The following ATP6V0E1 variants were observed in gnomAD, a reference collection of about 807,000 sequenced individuals.
ATP6V0E1 encodes the protein V-type proton ATPase subunit e 1.
ATP6V0E1 carries 4 observed loss-of-function variants against 11.6 expected under a neutral mutation model. The ratio of observed to expected loss-of-function variants is 0.35; its 90% CI spans 0.17 to 0.79. The LOEUF (loss-of-function observed/expected upper bound fraction) is 0.79, where lower values mean the gene tolerates loss of function less well. ATP6V0E1 is among the 30% of genes least tolerant of loss of function. The pLI, the probability that ATP6V0E1 is intolerant of heterozygous loss-of-function variation, is 0.54. For synonymous variants in ATP6V0E1, 36 were observed against 34.8 expected (o/e 1.04, Z -0.13); for missense variants, 105 against 100.0 (o/e 1.05, Z -0.21).
At chr5:173,014,556 C>A (rs1756375232) in intron 2 of ATP6V0E1, among the ~76,000 whole-genome samples, 1 of 152,162 alleles carries the variant, frequency 6.6e-6, no homozygotes, top group African/African-American at 2.4e-5. Context: ...AGAATGAAAT[C>A]ATGTCATTTG....
At chr5:173,019,832 G>A (rs1756453806) in intron 2 of ATP6V0E1, among the ~76,000 whole-genome samples, 1 of 152,150 alleles carries the variant, frequency 6.6e-6, no homozygotes, top group Non-Finnish European at 1.5e-5. Flanking sequence ...TGTAGGTTGT[G>A]GGTCTTAACA....
At chr5:173,022,824 G>A (rs957961643) in intron 3 of ATP6V0E1, among the ~76,000 whole-genome samples, 1 of 151,292 alleles carries the variant, frequency 6.6e-6, no homozygotes. Context: ...ATAGAGACAA[G>A]GTCTTACTAT....
At chr5:173,001,202 G>A (rs1316862693) in intron 2 of ATP6V0E1, among the ~76,000 whole-genome samples, 2 of 152,116 alleles carry the variant, frequency 1.3e-5, no homozygotes, top group Non-Finnish European at 2.9e-5. Context: ...TAATGGCACA[G>A]TGTAGCAGTG....
chr5:173,030,926 T>C (rs1383176606), intron 3 of ATP6V0E1, among the ~76,000 whole-genome samples: 1 of 79,448 alleles, frequency 1.3e-5, no homozygotes, highest in East Asian at 3.0e-3. Flanking sequence ...TTTTTGTATT[T>C]ATTTATTTAT....
At position 173,021,254 on chromosome 5, in the gene ATP6V0E1, A is replaced by G. The variant is rs190318006; in HGVS notation, c.*36+887A>G. ...ACTTCACTCGTTACTATGGGGAGGT[A>G]TATTAGCCCATTTTCACGCTGCTGA... On this transcript the variant is annotated intron_variant, in intron 3 of 3. Coordinates refer to ENST00000519374, the MANE Select transcript of ATP6V0E1 (RefSeq NM_003945.4). 5.0e-3 allele frequency among the ~76,000 whole-genome samples: 764 copies of G among 152,264 alleles called. 8 individuals are homozygous for G. The highest frequency in any genetic ancestry group is 0.017 in the African/African-American group (725 of 41,530).
At chr5:173,013,302 G>A (rs968460555) in intron 2 of ATP6V0E1, among the ~76,000 whole-genome samples, 6 of 152,240 alleles carry the variant, frequency 3.9e-5, no homozygotes, top group African/African-American at 9.6e-5. Context: ...TTGGCCGGGC[G>A]CGGTGGCTCA....
chr5:173,029,585 G>C (rs1756616965), intron 3 of ATP6V0E1, among the ~76,000 whole-genome samples: 1 of 151,996 alleles, frequency 6.6e-6, no homozygotes, highest in Non-Finnish European at 1.5e-5. Flanking sequence ...TATCTTCCTG[G>C]TGTAGCACTT....
At chr5:172,999,620 C>A (rs1756122610) in intron 2 of ATP6V0E1, among the ~76,000 whole-genome samples, 1 of 152,218 alleles carries the variant, frequency 6.6e-6, no homozygotes, top group Non-Finnish European at 1.5e-5. Context: ...AGCCACCACG[C>A]CCAGTCATAT....
intron 3 of ATP6V0E1, among the ~76,000 whole-genome samples, chr5:173,027,323 T>TAAA (rs747815879): frequency 4.8e-5 from 5 of 104,350 alleles, no homozygotes; most frequent in African/African-American, 1.1e-4. Context: ...CTGTCTCTAC[T>TAAA]AAAAAAAAAA....
chr5:173,000,958 C>G (rs1012326905), intron 2 of ATP6V0E1, among the ~76,000 whole-genome samples: 1 of 152,104 alleles, frequency 6.6e-6, no homozygotes, highest in East Asian at 1.9e-4. Flanking sequence ...ACCTTGGCCT[C>G]CCAAAGTGCT....
intron 3 of ATP6V0E1, among the ~76,000 whole-genome samples, chr5:173,025,686 C>A (rs1264191736): frequency 6.8e-6 from 1 of 147,846 alleles, no homozygotes; most frequent in Non-Finnish European, 1.5e-5. Context: ...GGTAGAGACT[C>A]AGGGTTTCAC....
chr5:172,999,787 A>G (rs998091512), intron 2 of ATP6V0E1, among the ~76,000 whole-genome samples: 2 of 152,222 alleles, frequency 1.3e-5, no homozygotes, highest in African/African-American at 4.8e-5. Context: ...GGTGGTACAC[A>G]GTGTTCCAAC....
chr5:172,987,249 T>C (rs1178766066), intron 1 of ATP6V0E1: 9 of 160,394 alleles, frequency 5.6e-5, no homozygotes, highest in Non-Finnish European at 1.1e-4. Flanking sequence ...CTTGATTCCA[T>C]TTGTATTTAA....
At chr5:173,010,587 AAT>A (rs2113598141) in intron 2 of ATP6V0E1, among the ~76,000 whole-genome samples, 1 of 152,254 alleles carries the variant, frequency 6.6e-6, no homozygotes, top group East Asian at 1.9e-4. Flanking sequence ...AGCATCTAAT[AAT>A]GTTGCTCCTC....
chr5:172,996,080 A>T (rs1024364271), intron 2 of ATP6V0E1, among the ~76,000 whole-genome samples: 1 of 152,180 alleles, frequency 6.6e-6, no homozygotes, highest in Non-Finnish European at 1.5e-5. Flanking sequence ...TAGATGAAAG[A>T]CCATGACTTT....
At chr5:172,990,457 T>A (rs1755962282) in intron 1 of ATP6V0E1, among the ~76,000 whole-genome samples, 1 of 152,178 alleles carries the variant, frequency 6.6e-6, no homozygotes, top group Non-Finnish European at 1.5e-5. Context: ...GTTTGCCAGT[T>A]CAGTCAACTC....
intron 2 of ATP6V0E1, among the ~76,000 whole-genome samples, chr5:173,004,520 G>C (rs1756201209): frequency 6.6e-6 from 1 of 152,122 alleles, no homozygotes; most frequent in South Asian, 2.1e-4. Context: ...GAACACAGTG[G>C]AAGGATTTGG....
chr5:173,031,404 G>A (rs1052777938), intron 3 of ATP6V0E1, among the ~76,000 whole-genome samples: 24 of 149,866 alleles, frequency 1.6e-4, no homozygotes, highest in African/African-American at 5.9e-4. Flanking sequence ...TTTATCTGAT[G>A]GTAACCTTAT....
intron 2 of ATP6V0E1, among the ~76,000 whole-genome samples, chr5:173,015,543 C>T (rs1157537797): frequency 1.3e-5 from 2 of 149,462 alleles, no homozygotes; most frequent in Admixed American, 6.6e-5. Context: ...ACCAATGGCC[C>T]GTGATGTAAT....
Sources: gnomAD v4.1 joint callset for allele counts (sites outside exome capture counted in the v4.1 genomes callset) on GRCh38, gnomAD v4.1.1 for gene constraint, MANE v1.5 for transcripts, NCBI Gene and HGNC (gene_info 2026-07-23, HGNC 2026-07-21) for gene names.